Variants in ANO10 observed in about 807,000 individuals in gnomAD.
ANO10 encodes the protein anoctamin-10.
ANO10 carries 77 observed loss-of-function variants against 74.7 expected under a neutral mutation model. The ratio of observed to expected loss-of-function variants is 1.03; its 90% CI spans 0.86 to 1.25. The LOEUF (loss-of-function observed/expected upper bound fraction) is 1.25. Ranked by LOEUF, ANO10 falls within the 50% of genes most tolerant of loss-of-function variation. The pLI is 0.00. For synonymous variants in ANO10, 279 were observed against 284.9 expected (o/e 0.98, Z 0.21); for missense variants, 721 against 778.1 (o/e 0.93, Z 0.87).
At chr3:43,380,611 A>T (rs2091933340) in intron 12 of ANO10, among the ~76,000 whole-genome samples, 1 of 152,240 alleles carries the variant, frequency 6.6e-6, no homozygotes, top group Non-Finnish European at 1.5e-5. Context: ...AATGAAGGAA[A>T]GATACAGTCT....
intron 9 of ANO10, among the ~76,000 whole-genome samples, chr3:43,556,779 TG>T (rs1386478895): frequency 6.6e-6 from 1 of 152,108 alleles, no homozygotes; most frequent in East Asian, 1.9e-4. Context: ...CACACAATGG[TG>T]AGAAGATAAA....
At position 43,405,089 on chromosome 3, in the gene ANO10, G is replaced by A. The variant is rs566827826; in HGVS notation, c.1914+27522C>T. ...TTAGAAAATGTTTAAGATCTGCACCGTAATTTTCATTGGCAAGTTGATCTA... is the reference window on the plus strand; with the variant it reads ...TTAGAAAATGTTTAAGATCTGCACCATAATTTTCATTGGCAAGTTGATCTA... On this transcript the variant is annotated intron_variant, in intron 12 of 12. Transcript: ENST00000292246. 3.3e-5 allele frequency among the ~76,000 whole-genome samples: 5 copies of A among 152,254 alleles called. No individual in the cohort carries two copies. In the South Asian group the frequency reaches 6.2e-4, roughly 19 times the overall value.
intron 12 of ANO10, among the ~76,000 whole-genome samples, chr3:43,411,963 T>C (rs1352141575): frequency 1.3e-5 from 2 of 151,320 alleles, no homozygotes; most frequent in African/African-American, 2.4e-5. Flanking sequence ...GTGGATAGGA[T>C]AGGGCCTAAG....
intron 4 of ANO10, among the ~76,000 whole-genome samples, chr3:43,590,477 C>G (rs761052425): frequency 3.5e-4 from 54 of 152,236 alleles, no homozygotes; most frequent in Non-Finnish European, 6.2e-4. Flanking sequence ...TATTCCCCAT[C>G]ATGTCTAAGG....
chr3:43,487,517 C>T (rs2076542237), intron 11 of ANO10, among the ~76,000 whole-genome samples: 1 of 151,964 alleles, frequency 6.6e-6, no homozygotes, highest in Admixed American at 6.6e-5. Flanking sequence ...TCAACTTCTT[C>T]CTGGTTTAGT....
At chr3:43,508,812 G>A (rs1405844057) in intron 11 of ANO10, among the ~76,000 whole-genome samples, 3 of 150,090 alleles carry the variant, frequency 2.0e-5, no homozygotes, top group East Asian at 4.0e-4. Context: ...GGGGAGGCGG[G>A]AGGGATAGCA....
At chr3:43,560,131 T>C (rs2079956742) in intron 9 of ANO10, among the ~76,000 whole-genome samples, 1 of 152,166 alleles carries the variant, frequency 6.6e-6, no homozygotes. Flanking sequence ...CAATGCTCCC[T>C]GCCCTTCAAA....
At chr3:43,441,695 A>G (rs1375288632) in intron 11 of ANO10, among the ~76,000 whole-genome samples, 5 of 152,142 alleles carry the variant, frequency 3.3e-5, no homozygotes, top group East Asian at 1.9e-4. Context: ...AACCAAAGAC[A>G]TAATTTAAAA....
chr3:43,645,113 C>T (rs2083712594), intron 1 of ANO10, among the ~76,000 whole-genome samples: 1 of 152,224 alleles, frequency 6.6e-6, no homozygotes, highest in Non-Finnish European at 1.5e-5. Context: ...TAGAGATCTT[C>T]AGTGATTCAA....
intron 11 of ANO10, among the ~76,000 whole-genome samples, chr3:43,467,744 T>C (rs1280839137): frequency 6.6e-6 from 1 of 152,262 alleles, no homozygotes; most frequent in Admixed American, 6.5e-5. Context: ...ATGTAAATTA[T>C]ACTTCAAGAA....
At chr3:43,540,112 C>G (rs1310615469) in intron 11 of ANO10, among the ~76,000 whole-genome samples, 1 of 152,172 alleles carries the variant, frequency 6.6e-6, no homozygotes. Context: ...GGAACAGAAG[C>G]CCATTTAGAT....
chr3:43,676,615 C>T (rs114260875), intron 1 of ANO10, among the ~76,000 whole-genome samples: 1,868 of 152,094 alleles, frequency 0.012, 16 homozygotes, highest in Middle Eastern at 0.017. Flanking sequence ...GGGATCTTGT[C>T]GTGATGGAAA....
In ANO10 at chr3:43,520,156, A is replaced by G. The variant is rs1201777077; in HGVS notation, c.1797+29564T>C. On this transcript the variant is annotated intron_variant, in intron 11 of 12. Transcript: ENST00000292246. ...TATGTGCCCCTTCCTGGCCTGGTCCATACAACTTTCCTTCTTGCCATCTTC... is the reference window on the plus strand; with the variant it reads ...TATGTGCCCCTTCCTGGCCTGGTCCGTACAACTTTCCTTCTTGCCATCTTC... Among the ~76,000 whole-genome samples the G allele has an allele frequency of 1.3e-5, 2 of 152,146 alleles. 1 individual carries two copies. The highest frequency in any genetic ancestry group is 2.9e-5 in the Non-Finnish European group (2 of 68,018).
intron 9 of ANO10, among the ~76,000 whole-genome samples, chr3:43,558,783 C>T (rs1362100505): frequency 1.3e-5 from 2 of 152,098 alleles, no homozygotes; most frequent in Admixed American, 6.5e-5. Context: ...AAAGTATCCC[C>T]GCCTCCAAAT....
chr3:43,532,141 C>T (rs1436131610), intron 11 of ANO10, among the ~76,000 whole-genome samples: 1 of 152,164 alleles, frequency 6.6e-6, no homozygotes, highest in Non-Finnish European at 1.5e-5. Flanking sequence ...CCCTAAAGCT[C>T]TTAGTAATGC....
At chr3:43,422,421 G>A (rs2092834088) in intron 12 of ANO10, among the ~76,000 whole-genome samples, 2 of 152,076 alleles carry the variant, frequency 1.3e-5, no homozygotes, top group African/African-American at 4.8e-5. Flanking sequence ...ACCCTTTTTT[G>A]TTGTTTTTAA....
chr3:43,681,987 A>G (rs2084208139), intron 1 of ANO10, among the ~76,000 whole-genome samples: 1 of 152,224 alleles, frequency 6.6e-6, no homozygotes, highest in Non-Finnish European at 1.5e-5. Context: ...GGAAAGATCT[A>G]AAATTGACAC....
chr3:43,582,996 C>T (rs754927840), intron 4 of ANO10, among the ~76,000 whole-genome samples: 21 of 152,138 alleles, frequency 1.4e-4, no homozygotes, highest in African/African-American at 2.2e-4. Context: ...AGTTTTTTAA[C>T]GGAACTGACT....
At chr3:43,595,155 C>A (rs971736131) in intron 4 of ANO10, among the ~76,000 whole-genome samples, 2 of 152,038 alleles carry the variant, frequency 1.3e-5, no homozygotes, top group African/African-American at 4.8e-5. Flanking sequence ...CAGGACCAGA[C>A]AGATTCACAG....
Sources: gnomAD v4.1 joint callset for allele counts (sites outside exome capture counted in the v4.1 genomes callset) on GRCh38, gnomAD v4.1.1 for gene constraint, MANE v1.5 for transcripts, NCBI Gene and HGNC (gene_info 2026-07-23, HGNC 2026-07-21) for gene names.